Variants in HUNK observed in about 807,000 individuals in gnomAD.
The protein encoded by HUNK is hormonally up-regulated Neu-associated kinase, also known as hormonally up-regulated neu tumor-associated kinase.
HUNK carries 21 observed loss-of-function variants against 61.0 expected under a neutral mutation model. That is an observed-to-expected ratio of 0.34 (90% CI 0.24 to 0.50). The LOEUF (loss-of-function observed/expected upper bound fraction) is 0.50. Ranked by LOEUF, HUNK falls within the 20% of genes least tolerant of loss-of-function variation. The pLI, the probability that HUNK is intolerant of heterozygous loss-of-function variation, is 0.98. For missense variants in HUNK, 772 were observed against 945.7 expected (o/e 0.82, Z 2.41); for synonymous variants, 371 against 386.1 (o/e 0.96, Z 0.46).
chr21:31,914,461 A>G (rs1449832419), intron 1 of HUNK, among the ~76,000 whole-genome samples: 1 of 150,280 alleles, frequency 6.7e-6, no homozygotes, highest in Non-Finnish European at 1.5e-5. Context: ...CCCGCAGTGA[A>G]TGAATGCTAG....
chr21:31,987,268 G>T (rs17665742), intron 8 of HUNK, among the ~76,000 whole-genome samples: 14,268 of 152,226 alleles, frequency 0.094, 945 homozygotes, highest in Non-Finnish European at 0.15. Flanking sequence ...GACCTCTTAT[G>T]GTCACCTGCA....
At chr21:31,932,094 C>T (rs2052702091) in intron 2 of HUNK, among the ~76,000 whole-genome samples, 1 of 152,056 alleles carries the variant, frequency 6.6e-6, no homozygotes, top group South Asian at 2.1e-4. Context: ...CCCCCACGTG[C>T]ATGCACATAC....
At chr21:31,965,370 G>T (rs2052957051) in intron 5 of HUNK, among the ~76,000 whole-genome samples, 1 of 151,236 alleles carries the variant, frequency 6.6e-6, no homozygotes, top group Admixed American at 6.6e-5. Context: ...TAGTACCTGG[G>T]TGATGAAATA....
chr21:31,946,297 A>T (rs1393359685), intron 4 of HUNK, 126 bp downstream of exon 4: 1 of 913,316 alleles, frequency 1.1e-6, no homozygotes, highest in African/African-American at 1.7e-5. Flanking sequence ...GTCATCAGGG[A>T]TTCTTTGGGG....
intron 4 of HUNK, among the ~76,000 whole-genome samples, chr21:31,955,417 C>T (rs969815813): frequency 1.4e-5 from 2 of 145,324 alleles, no homozygotes; most frequent in Non-Finnish European, 3.0e-5. Context: ...AGTGAAACCC[C>T]GTCTCTACGA....
chr21:31,953,243 C>CTTT (rs397948129), intron 4 of HUNK, among the ~76,000 whole-genome samples: 1 of 134,884 alleles, frequency 7.4e-6, no homozygotes, highest in African/African-American at 2.7e-5. Context: ...GGTTTCCATT[C>CTTT]TTTTTTTTTT....
At chr21:31,936,230 T>C (rs559315020) in intron 2 of HUNK, among the ~76,000 whole-genome samples, 1 of 152,366 alleles carries the variant, frequency 6.6e-6, no homozygotes, top group Admixed American at 6.5e-5. Context: ...AACATTTATG[T>C]CCATAAGTTT....
intron 1 of HUNK, among the ~76,000 whole-genome samples, chr21:31,887,242 G>A (rs2052353337): frequency 6.6e-6 from 1 of 152,148 alleles, no homozygotes; most frequent in African/African-American, 2.4e-5. Flanking sequence ...GCAGTGTCAG[G>A]GGATGTTAAC....
chr21:31,874,033 C>G, intron 1 of HUNK, 98 bp downstream of exon 1: 1 of 945,290 alleles, frequency 1.1e-6, no homozygotes, highest in South Asian at 3.6e-5. Flanking sequence ...AGTGTGCAGT[C>G]CCGGGCCAAG....
intron 1 of HUNK, among the ~76,000 whole-genome samples, chr21:31,875,154 G>A (rs749667452): frequency 6.6e-6 from 1 of 152,214 alleles, no homozygotes; most frequent in Non-Finnish European, 1.5e-5. Context: ...TGGCCTGGGA[G>A]CCGAGCCCTC....
intron 1 of HUNK, 85 bp downstream of exon 1, chr21:31,874,020 C>A: frequency 1.8e-6 from 2 of 1,102,540 alleles, no homozygotes; most frequent in South Asian, 2.2e-5. Context: ...CACTGGGAGT[C>A]CCAGTGTGCA....
intron 3 of HUNK, among the ~76,000 whole-genome samples, chr21:31,943,830 T>G (rs2052784629): frequency 6.6e-6 from 1 of 152,194 alleles, no homozygotes; most frequent in African/African-American, 2.4e-5. Context: ...CCCTTTGCTG[T>G]GAAGGGACTG....
chr21:31,979,670 C>T (rs1199448190), intron 7 of HUNK, among the ~76,000 whole-genome samples: 1 of 151,598 alleles, frequency 6.6e-6, no homozygotes, highest in Non-Finnish European at 1.5e-5. Flanking sequence ...CACCTGCCAC[C>T]TCACCTGGCT....
intron 1 of HUNK, among the ~76,000 whole-genome samples, chr21:31,906,660 G>A (rs13049169): frequency 6.6e-6 from 1 of 151,956 alleles, no homozygotes; most frequent in Non-Finnish European, 1.5e-5. Context: ...GAACTCCTGG[G>A]CTCAAGCGAT....
At chr21:31,929,242 G>GT (rs1555877817) in intron 2 of HUNK, among the ~76,000 whole-genome samples, 6 of 148,968 alleles carry the variant, frequency 4.0e-5, no homozygotes, top group Non-Finnish European at 9.0e-5. Flanking sequence ...TGACAAGTAG[G>GT]TTTTGTTTTT....
At chr21:31,881,248 G>A (rs2052304824) in intron 1 of HUNK, among the ~76,000 whole-genome samples, 1 of 152,170 alleles carries the variant, frequency 6.6e-6, no homozygotes, top group Non-Finnish European at 1.5e-5. Flanking sequence ...GACAACGTGG[G>A]CATCTTTTCC....
At chr21:31,944,691 AC>A (rs1899945441) in intron 3 of HUNK, among the ~76,000 whole-genome samples, 1 of 152,188 alleles carries the variant, frequency 6.6e-6, no homozygotes, top group South Asian at 2.1e-4. Flanking sequence ...TCATAAAAAA[AC>A]AAAAGAAGAG....
chr21:31,988,606 C>A (rs2053149455), intron 8 of HUNK, among the ~76,000 whole-genome samples: 1 of 151,988 alleles, frequency 6.6e-6, no homozygotes, highest in African/African-American at 2.4e-5. Flanking sequence ...TATCTGTGTC[C>A]CAATTTCCCT....
chr21:31,968,374 C>T lies in HUNK; in HGVS notation c.999C>T (p.Thr333=), dbSNP rs1420587483. Residue 333 remains threonine (T), a synonymous_variant, in exon 6 of 11, where the codon ACC becomes ACT. Coordinates refer to ENST00000270112, the MANE Select transcript of HUNK (RefSeq NM_014586.2). ...CGGGCAAAGTGCCCTGTAATGTCAC[C>T]TATCCCAACAGGTAATTTCGTGCAC... ...NYTGKVPCNV[T]YPNRISLEDL... 1.2e-6 allele frequency: 2 copies of T among 1,614,232 alleles called. No individual in the cohort carries two copies. Among genetic ancestry groups the T allele is most frequent in the East Asian group, 2.2e-5 (1 of 44,880 alleles).
Sources: gnomAD v4.1 joint callset for allele counts (sites outside exome capture counted in the v4.1 genomes callset) on GRCh38, gnomAD v4.1.1 for gene constraint, MANE v1.5 for transcripts, NCBI Gene and HGNC (gene_info 2026-07-23, HGNC 2026-07-21) for gene names.